The following PRDM6 variants were observed in gnomAD, a reference collection of about 807,000 sequenced individuals.
PRDM6 encodes the protein PR/SET domain 6.
PRDM6 carries 25 observed loss-of-function variants against 60.8 expected under a neutral mutation model. That is an observed-to-expected ratio of 0.41 (90% CI 0.30 to 0.57). The LOEUF (loss-of-function observed/expected upper bound fraction) is 0.57, where lower values mean the gene tolerates loss of function less well. PRDM6 is among the 20% of genes least tolerant of loss of function. The probability of loss-of-function intolerance (pLI) is 0.27; values close to 1 mark genes in which losing one functional copy is unlikely to be tolerated. For missense variants in PRDM6, 839 were observed against 821.3 expected, an observed-to-expected ratio of 1.02 and a Z score of -0.26; for synonymous variants, 407 against 357.4, an observed-to-expected ratio of 1.14 and a Z score of -1.57.
chr5:123,099,994 G>T lies in PRDM6; in HGVS notation c.900+33G>T. On this transcript the variant is annotated intron_variant, in intron 3 of 7. Transcript: ENST00000407847. This position sits in a 1 kb window ranked among gnomAD's most constrained non-coding sequence, Gnocchi z 4.0. ...GCCGGCTGCACAGCGCCTCCCCACC[G>T]AGCAGGAGCCTTGGCCAGCAGGGAG... is the stretch of plus-strand genomic sequence containing the variant. The T allele has an allele frequency of 2.0e-6, 3 of 1,464,774 alleles. No homozygotes were observed. The highest frequency in any genetic ancestry group is 2.7e-6 in the Non-Finnish European group (3 of 1,101,140). 90.7% of individuals were successfully genotyped at this position (1,464,774 alleles called of 1,614,324 possible). A position where few individuals can be genotyped will look rare whatever the true frequency, so the allele number is the denominator to read the frequency against.
intron 3 of PRDM6, among the ~76,000 whole-genome samples, chr5:123,126,670 A>G (rs1764701334): frequency 6.6e-6 from 1 of 152,208 alleles, no homozygotes; most frequent in African/African-American, 2.4e-5. Context: ...GCTGGACAAG[A>G]GATGACACAT....
chr5:123,182,619 T>G (rs1766190223), intron 7 of PRDM6, among the ~76,000 whole-genome samples: 1 of 152,240 alleles, frequency 6.6e-6, no homozygotes, highest in Admixed American at 6.5e-5. Context: ...CCATTTTAAC[T>G]TAATTTTAAT....
intron 3 of PRDM6, among the ~76,000 whole-genome samples, chr5:123,133,245 T>C (rs1764875159): frequency 6.6e-6 from 1 of 152,136 alleles, no homozygotes; most frequent in Non-Finnish European, 1.5e-5. Flanking sequence ...TTATAGGTAA[T>C]GCATTTTGCC....
intron 3 of PRDM6, among the ~76,000 whole-genome samples, chr5:123,118,837 G>A (rs1264119842): frequency 9.2e-5 from 14 of 152,130 alleles, no homozygotes; most frequent in Non-Finnish European, 1.5e-5. Flanking sequence ...TTTTCTGATG[G>A]TGATTGTGGT....
At chr5:123,129,555 A>G (rs1269279377) in intron 3 of PRDM6, among the ~76,000 whole-genome samples, 2 of 152,232 alleles carry the variant, frequency 1.3e-5, no homozygotes, top group Non-Finnish European at 2.9e-5. Context: ...TACCAAATTC[A>G]GGACTTGGTA....
chr5:123,137,309 G>T (rs1273598343), intron 3 of PRDM6, among the ~76,000 whole-genome samples: 1 of 152,150 alleles, frequency 6.6e-6, no homozygotes, highest in East Asian at 1.9e-4. Flanking sequence ...GGTGTCTTGG[G>T]ATCATCAAAT....
rs531390764 is a variant in PRDM6, at chr5:123,089,855, C to T, written c.-15-145C>T. 6 of 620,634 alleles carry T rather than the reference C, an allele frequency of 9.7e-6. No homozygotes were observed. In the South Asian group the frequency reaches 9.9e-5, roughly 10 times the overall value. The allele number at this position is 620,634 out of a possible 1,614,324, so 38.4% of individuals were successfully genotyped here. On this transcript the variant is annotated intron_variant, in intron 1 of 7. Transcript: ENST00000407847. ...CTTCGGAGTAAACTTTGCGCCCAAGCGGAGTTGGGAAGAGGGAGCCGCGGA... is the reference window on the plus strand; with the variant it reads ...CTTCGGAGTAAACTTTGCGCCCAAGTGGAGTTGGGAAGAGGGAGCCGCGGA...
intron 2 of PRDM6, among the ~76,000 whole-genome samples, chr5:123,095,231 G>A (rs1316673132): frequency 1.3e-5 from 2 of 152,242 alleles, no homozygotes; most frequent in South Asian, 4.1e-4. Flanking sequence ...ACGTCGGATC[G>A]TGGGTGGTGT....
At chr5:123,109,523 G>A (rs1385337332) in intron 3 of PRDM6, among the ~76,000 whole-genome samples, 1 of 152,000 alleles carries the variant, frequency 6.6e-6, no homozygotes, top group Non-Finnish European at 1.5e-5. Flanking sequence ...ACATCGTTTG[G>A]ATTTAATTAC....
In PRDM6 at chr5:123,155,742, G is replaced by A. The variant is rs138021156; in HGVS notation, c.901-142G>A. On this transcript the variant is annotated intron_variant, in intron 3 of 7. Transcript: ENST00000407847. ...CATATTTTCCTGTTATTCCGGTTGA[G>A]TTGTCCACAAGCATCAATAAGCACT... 1,741 of 845,058 alleles carry A rather than the reference G, an allele frequency of 2.1e-3. 30 individuals carry two copies. The African/African-American group carries it at 0.027, about 13-fold the overall frequency. 52.3% of individuals were successfully genotyped at this position (845,058 alleles called of 1,614,324 possible).
At chr5:123,127,881 T>A (rs1764729267) in intron 3 of PRDM6, among the ~76,000 whole-genome samples, 1 of 152,046 alleles carries the variant, frequency 6.6e-6, no homozygotes, top group Non-Finnish European at 1.5e-5. Flanking sequence ...AACTCATCAT[T>A]TACATTGGGT....
chr5:123,136,927 C>A (rs568633674), intron 3 of PRDM6, among the ~76,000 whole-genome samples: 4 of 152,310 alleles, frequency 2.6e-5, no homozygotes, highest in African/African-American at 9.6e-5. Context: ...TGGCAACAAC[C>A]CACACTCTGC....
chr5:123,103,144 A>G (rs2150209352), intron 3 of PRDM6, among the ~76,000 whole-genome samples: 1 of 152,144 alleles, frequency 6.6e-6, no homozygotes, highest in East Asian at 1.9e-4. Flanking sequence ...TCATTTCATT[A>G]TATTCAGTAC....
intron 3 of PRDM6, among the ~76,000 whole-genome samples, chr5:123,137,951 A>G (rs933231147): frequency 6.6e-6 from 1 of 152,162 alleles, no homozygotes; most frequent in African/African-American, 2.4e-5. Context: ...ATGTGATGGT[A>G]TGGGTGGTAT....
rs146268528 is a variant in PRDM6 at position 123,179,661 on chromosome 5, G to A, written c.1497-486G>A. Among the ~76,000 whole-genome samples the A allele has an allele frequency of 1.5e-3, 224 of 151,878 alleles. 1 individual carries two copies. The highest frequency in any genetic ancestry group is 1.2e-3 in the Non-Finnish European group (80 of 68,018). ...GTCCCGGGAGGACAGTTTATCCTCAGTTTTCTGAACTAACAGAGATAATAG... is the reference window on the plus strand; with the variant it reads ...GTCCCGGGAGGACAGTTTATCCTCAATTTTCTGAACTAACAGAGATAATAG... On this transcript the variant is annotated intron_variant, in intron 6 of 7. Transcript: ENST00000407847.
chr5:123,179,642 G>T (rs756444078), intron 6 of PRDM6, among the ~76,000 whole-genome samples: 1 of 152,108 alleles, frequency 6.6e-6, no homozygotes, highest in Non-Finnish European at 1.5e-5. Flanking sequence ...TTGTGTCCCG[G>T]GAGGACAGTT....
chr5:123,185,393 A>G (rs953982313), intron 7 of PRDM6, among the ~76,000 whole-genome samples: 3 of 152,194 alleles, frequency 2.0e-5, no homozygotes, highest in Non-Finnish European at 4.4e-5. Context: ...TCCAGTAACT[A>G]ATCAGTTTTC....
At chr5:123,159,721 A>T in intron 5 of PRDM6, 83 bp downstream of exon 5, 2 of 1,352,006 alleles carry the variant, frequency 1.5e-6, no homozygotes, top group Non-Finnish European at 1.0e-6. Flanking sequence ...TTTGAAACTC[A>T]TGAAACGTGG....
chr5:123,135,712 C>T (rs449935), intron 3 of PRDM6, among the ~76,000 whole-genome samples: 1 of 152,270 alleles, frequency 6.6e-6, no homozygotes, highest in East Asian at 1.9e-4. Flanking sequence ...ATTAAAGTTT[C>T]TGTATCCTAT....
Sources: allele counts gnomAD v4.1 joint callset (sites outside exome capture counted in the v4.1 genomes callset), GRCh38; gene constraint gnomAD v4.1.1; non-coding constraint Gnocchi (gnomAD v3.1); transcripts MANE v1.5; gene names NCBI Gene and HGNC (gene_info 2026-07-23, HGNC 2026-07-21).